The following MRPS6 variants were observed in gnomAD, a reference collection of about 807,000 sequenced individuals.
MRPS6 encodes mitochondrial ribosomal protein S6.
A neutral mutation model predicts 13.1 loss-of-function variants in MRPS6; 6 were observed. The observed-to-expected ratio is 0.46, with a 90% CI of 0.25 to 0.91. The LOEUF (loss-of-function observed/expected upper bound fraction) is 0.91. MRPS6 is among the 40% of genes least tolerant of loss of function. The probability of loss-of-function intolerance (pLI) is 0.18; values close to 1 mark genes in which losing one functional copy is unlikely to be tolerated. For missense variants in MRPS6, 164 were observed against 155.6 expected (o/e 1.05, Z -0.29); for synonymous variants, 61 against 56.5 (o/e 1.08, Z -0.36).
chr21:34,126,971 A>G (rs1980328398), intron 2 of MRPS6, among the ~76,000 whole-genome samples: 1 of 152,052 alleles, frequency 6.6e-6, no homozygotes. Flanking sequence ...GGGGGTGGGT[A>G]GCCGTTTCTC....
chr21:34,079,315 T>C (rs1429979364), intron 1 of MRPS6, among the ~76,000 whole-genome samples: 1 of 152,212 alleles, frequency 6.6e-6, no homozygotes. Context: ...TCTAGTCCTT[T>C]ACAGAAGAAA....
chr21:34,100,024 C>T (rs1471585092), intron 1 of MRPS6: 1 of 895,572 alleles, frequency 1.1e-6, no homozygotes, highest in Non-Finnish European at 1.4e-6. Flanking sequence ...TCATACTTTA[C>T]ACTGACTAAA....
chr21:34,120,315 G>A (rs1240265248), intron 1 of MRPS6, among the ~76,000 whole-genome samples: 1 of 152,074 alleles, frequency 6.6e-6, no homozygotes, highest in African/African-American at 2.4e-5. Flanking sequence ...TGATGGGAAG[G>A]TCACTACTTC....
chr21:34,110,933 A>G (rs995953203), intron 1 of MRPS6, among the ~76,000 whole-genome samples: 4 of 152,212 alleles, frequency 2.6e-5, no homozygotes, highest in African/African-American at 9.6e-5. Flanking sequence ...TAGGAACACT[A>G]GACAGCCCTT....
At chr21:34,112,767 G>T (rs1378834155) in intron 1 of MRPS6, among the ~76,000 whole-genome samples, 3 of 151,998 alleles carry the variant, frequency 2.0e-5, no homozygotes, top group Non-Finnish European at 4.4e-5. Context: ...TACTCTCTAT[G>T]AGATCAACTT....
At chr21:34,104,058 A>G (rs901393214) in intron 1 of MRPS6, 5 of 1,000,034 alleles carry the variant, frequency 5.0e-6, no homozygotes, top group Non-Finnish European at 6.0e-6. Context: ...ATACTTTAAC[A>G]GGGCAAATAC....
intron 1 of MRPS6, among the ~76,000 whole-genome samples, chr21:34,081,119 A>C (rs1399650886): frequency 6.6e-6 from 1 of 152,198 alleles, no homozygotes; most frequent in Non-Finnish European, 1.5e-5. Context: ...AATAACTCAA[A>C]GTTTGGGAAG....
chr21:34,078,610 A>C (rs967017083), intron 1 of MRPS6, among the ~76,000 whole-genome samples: 1 of 152,204 alleles, frequency 6.6e-6, no homozygotes, highest in African/African-American at 2.4e-5. Context: ...AATCAGTTTC[A>C]AAAAATTAAG....
chr21:34,122,064 T>C (rs1980139453), intron 1 of MRPS6: 1 of 152,286 alleles, frequency 6.6e-6, no homozygotes, highest in East Asian at 1.9e-4. Context: ...TGGTGCATTT[T>C]AGGGTACATG....
intron 1 of MRPS6, chr21:34,125,104 C>T (rs1040845562): frequency 3.8e-5 from 21 of 548,392 alleles, no homozygotes; most frequent in African/African-American, 2.9e-4. Context: ...GGTCCCTGAA[C>T]TCTCCGAAGC....
At chr21:34,073,840 G>A in intron 1 of MRPS6, 95 bp downstream of exon 1, 2 of 883,960 alleles carry the variant, frequency 2.3e-6, no homozygotes, top group Non-Finnish European at 3.1e-6. Context: ...CGGGACCCCG[G>A]GCCTTCCTGC....
At chr21:34,089,887 T>C (rs530055693) in intron 1 of MRPS6, among the ~76,000 whole-genome samples, 1 of 152,362 alleles carries the variant, frequency 6.6e-6, no homozygotes, top group South Asian at 2.1e-4. Context: ...GCAAATTCTT[T>C]ATATTTTAGG....
chr21:34,113,978 A>T (rs1346793515), intron 1 of MRPS6, among the ~76,000 whole-genome samples: 1 of 152,162 alleles, frequency 6.6e-6, no homozygotes, highest in Non-Finnish European at 1.5e-5. Context: ...GCATGCAATC[A>T]ATAAGGCAGG....
At chr21:34,074,788 A>C (rs1989285649) in intron 1 of MRPS6, among the ~76,000 whole-genome samples, 1 of 152,246 alleles carries the variant, frequency 6.6e-6, no homozygotes, top group Non-Finnish European at 1.5e-5. Context: ...GTTTGAAATT[A>C]GGCTCCAGGT....
At chr21:34,101,074 T>C in intron 1 of MRPS6, 1 of 1,000,178 alleles carries the variant, frequency 1.0e-6, no homozygotes, top group Non-Finnish European at 1.2e-6. Context: ...ACAAGACCTT[T>C]CCTGTTAAAT....
chr21:34,130,368 C>T (rs1159873642), intron 2 of MRPS6, among the ~76,000 whole-genome samples: 1 of 152,186 alleles, frequency 6.6e-6, no homozygotes, highest in East Asian at 1.9e-4. Flanking sequence ...GAAGGGCTGG[C>T]AGCACCGGGC....
intron 2 of MRPS6, among the ~76,000 whole-genome samples, chr21:34,127,840 C>T (rs762509274): frequency 6.6e-6 from 1 of 152,220 alleles, no homozygotes; most frequent in Non-Finnish European, 1.5e-5. Context: ...GGGAGACTTG[C>T]TTTTCTGAAG....
At position 34,079,602 on chromosome 21, in the gene MRPS6, A is replaced by ATTTTTTTTT. The variant is rs398036389; in HGVS notation, c.45+5880_45+5888dup. Among the ~76,000 whole-genome samples, 12 of 43,680 alleles carry ATTTTTTTTT rather than the reference A, an allele frequency of 2.7e-4. 2 individuals are homozygous for ATTTTTTTTT. The highest frequency in any genetic ancestry group is 1.0e-3 in the South Asian group (1 of 970). 28.7% of individuals were successfully genotyped at this position (43,680 alleles called of 152,430 possible). A position where few individuals can be genotyped will look rare whatever the true frequency, so the allele number is the denominator to read the frequency against. ...AGGCATGCGCCACCAGACCCAGCTAATTTTTTTTTTTTTTTTTTTTTTTTT... is the reference window on the plus strand; with the variant it reads ...AGGCATGCGCCACCAGACCCAGCTAATTTTTTTTTTTTTTTTTTTTTTTTTTTTTTTTTT... On this transcript the variant is annotated intron_variant, in intron 1 of 2. Transcript: ENST00000399312.
chr21:34,101,014 C>G, intron 1 of MRPS6: 1 of 1,000,038 alleles, frequency 1.0e-6, no homozygotes, highest in South Asian at 4.7e-5. Context: ...TCACATGGGT[C>G]GTTGGTGGTG....
Sources: gnomAD v4.1 joint callset for allele counts (sites outside exome capture counted in the v4.1 genomes callset) on GRCh38, gnomAD v4.1.1 for gene constraint, MANE v1.5 for transcripts, NCBI Gene and HGNC (gene_info 2026-07-23, HGNC 2026-07-21) for gene names.